Variants in JMJD1C observed in about 807,000 individuals in gnomAD.
The protein encoded by JMJD1C is jumonji domain-containing protein 1C.
Under a neutral mutation model 245.3 loss-of-function variants are expected in JMJD1C, and 31 were observed. The ratio of observed to expected loss-of-function variants is 0.13; its 90% CI spans 0.09 to 0.17. The LOEUF (loss-of-function observed/expected upper bound fraction) is 0.17. Among genes scored for constraint, JMJD1C ranks in the 10% least tolerant of loss-of-function variants. The pLI is 1.00. For synonymous variants in JMJD1C, 1,057 were observed against 1,017.4 expected, an observed-to-expected ratio of 1.04 and a Z score of -0.74; for missense variants, 2,691 against 3,000.2, an observed-to-expected ratio of 0.90 and a Z score of 2.41.
At chr10:63,312,904 A>G (rs1939417954) in intron 2 of JMJD1C, among the ~76,000 whole-genome samples, 1 of 152,206 alleles carries the variant, frequency 6.6e-6, no homozygotes, top group Admixed American at 6.5e-5. Flanking sequence ...TTTAGATGTT[A>G]TTAAACTAGA....
intron 16 of JMJD1C, among the ~76,000 whole-genome samples, chr10:63,192,404 T>TACTAAAAATA (rs1445341998): frequency 6.6e-6 from 1 of 152,042 alleles, no homozygotes; most frequent in Non-Finnish European, 1.5e-5. Context: ...GCCCTGTCTC[T>TACTAAAAATA]ACTAAAAATA....
At chr10:63,283,881 ATT>A (rs1857678320) in intron 2 of JMJD1C, among the ~76,000 whole-genome samples, 1 of 152,164 alleles carries the variant, frequency 6.6e-6, no homozygotes, top group African/African-American at 2.4e-5. Flanking sequence ...GGAAATATGC[ATT>A]TTTCTACTCT....
intron 3 of JMJD1C, among the ~76,000 whole-genome samples, chr10:63,245,304 C>T (rs1017663546): frequency 1.3e-5 from 2 of 151,818 alleles, no homozygotes; most frequent in Non-Finnish European, 2.9e-5. Context: ...TGTTTTCACA[C>T]GGCTGATAAA....
At position 63,168,565 on chromosome 10, in the gene JMJD1C, A is replaced by G; in HGVS notation, c.7403T>C (p.Val2468Ala). Residue 2468 changes from valine (V) to alanine (A), a missense_variant and splice_region_variant, in exon 25 of 26, where the codon GTT becomes GCT. Around this residue, in one of 9 missense-constraint regions of JMJD1C, gnomAD observed 232 missense variants for 416.1 expected, o/e 0.56. Transcript: ENST00000399262. ...IVLPAGALHQ[V>A]QNFHSCIQVT... ...CTGAATACAGCTGTGAAAATTCTGA[A>G]CCTATCCCCAAAAGAAAAACCGTGA... 1 of 1,572,930 alleles carries G rather than the reference A, an allele frequency of 6.4e-7. No individual in the cohort carries two copies. Among genetic ancestry groups the G allele is most frequent in the Non-Finnish European group, 8.6e-7 (1 of 1,165,280 alleles).
chr10:63,286,853 A>T (rs913916405), intron 2 of JMJD1C, among the ~76,000 whole-genome samples: 1 of 152,204 alleles, frequency 6.6e-6, no homozygotes, highest in Non-Finnish European at 1.5e-5. Flanking sequence ...AGTAAACAGA[A>T]TAACCTCAAA....
intron 2 of JMJD1C, among the ~76,000 whole-genome samples, chr10:63,352,463 C>T (rs760331482): frequency 6.6e-6 from 1 of 151,796 alleles, no homozygotes; most frequent in Non-Finnish European, 1.5e-5. Flanking sequence ...AATGGTGAAA[C>T]CCCATCTCTA....
chr10:63,245,119 G>C (rs1210481044), intron 3 of JMJD1C, among the ~76,000 whole-genome samples: 1 of 104,450 alleles, frequency 9.6e-6, no homozygotes, highest in African/African-American at 3.7e-5. Context: ...GGGCAACAGA[G>C]TGAGACTCTG....
chr10:63,487,942 T>C (rs1954050441), intron 1 of JMJD1C, among the ~76,000 whole-genome samples: 1 of 152,190 alleles, frequency 6.6e-6, no homozygotes, highest in Admixed American at 6.5e-5. Context: ...CTAAGAAAGG[T>C]ATATTATTCC....
chr10:63,454,712 T>C (rs1952297393), intron 1 of JMJD1C, among the ~76,000 whole-genome samples: 2 of 152,236 alleles, frequency 1.3e-5, no homozygotes, highest in African/African-American at 2.4e-5. Flanking sequence ...ATTACAGGCA[T>C]GAGCTACTGC....
intron 2 of JMJD1C, among the ~76,000 whole-genome samples, chr10:63,323,369 C>T (rs1032543997): frequency 6.6e-6 from 1 of 152,094 alleles, no homozygotes; most frequent in African/African-American, 2.4e-5. Context: ...ACTAAAAATA[C>T]AAAAACTAGG....
At chr10:63,506,960 T>G (rs1954737631) in intron 1 of JMJD1C, among the ~76,000 whole-genome samples, 1 of 152,222 alleles carries the variant, frequency 6.6e-6, no homozygotes, top group South Asian at 2.1e-4. Flanking sequence ...TAATGGCTAA[T>G]CTTTTTACAG....
chr10:63,463,175 T>C (rs1415669104), intron 1 of JMJD1C, among the ~76,000 whole-genome samples: 1 of 152,194 alleles, frequency 6.6e-6, no homozygotes, highest in Non-Finnish European at 1.5e-5. Flanking sequence ...TATTTATTTA[T>C]TTATTTAGAG....
chr10:63,404,409 A>T (rs1297909907), intron 1 of JMJD1C, among the ~76,000 whole-genome samples: 5 of 151,586 alleles, frequency 3.3e-5, no homozygotes, highest in African/African-American at 1.2e-4. Flanking sequence ...CCACATGCTA[A>T]TTTTTTTTTC....
In JMJD1C at chr10:63,330,646, G is replaced by C. The variant is rs1942043359; in HGVS notation, c.333+49672C>G. On this transcript the variant is annotated intron_variant, in intron 2 of 25. Transcript: ENST00000399262. Reference sequence around the variant, plus strand: ...TTATCATTTTTTCTTTCTCTTCTTAGGATTATTTCTATTGTTTAGCCTACC... The same window carrying C: ...TTATCATTTTTTCTTTCTCTTCTTACGATTATTTCTATTGTTTAGCCTACC... Among the ~76,000 whole-genome samples, 3 of 151,208 alleles carry C rather than the reference G, an allele frequency of 2.0e-5. No homozygotes were observed. In the South Asian group the frequency reaches 6.2e-4, roughly 31 times the overall value.
At chr10:63,232,987 C>T (rs1350190397) in intron 3 of JMJD1C, among the ~76,000 whole-genome samples, 1 of 152,104 alleles carries the variant, frequency 6.6e-6, no homozygotes, top group Non-Finnish European at 1.5e-5. Flanking sequence ...TTACTGCAAA[C>T]TTCATTTAAA....
intron 3 of JMJD1C, among the ~76,000 whole-genome samples, chr10:63,246,557 T>A (rs141789186): frequency 1.3e-5 from 2 of 152,018 alleles, no homozygotes; most frequent in East Asian, 3.9e-4. Context: ...AGAGAATTTA[T>A]CACCACCAGA....
At chr10:63,484,625 T>A (rs1355002103) in intron 1 of JMJD1C, among the ~76,000 whole-genome samples, 2 of 152,010 alleles carry the variant, frequency 1.3e-5, no homozygotes, top group African/African-American at 4.8e-5. Context: ...GTGACAACCC[T>A]ACTTTTACTG....
At chr10:63,210,333 G>A (rs973402192) in intron 8 of JMJD1C, among the ~76,000 whole-genome samples, 2 of 151,538 alleles carry the variant, frequency 1.3e-5, no homozygotes, top group Non-Finnish European at 2.9e-5. Context: ...AATAGTAGGG[G>A]GTAAGATATT....
At chr10:63,474,433 A>T in intron 1 of JMJD1C, among the ~76,000 whole-genome samples, 1 of 152,076 alleles carries the variant, frequency 6.6e-6, no homozygotes, top group East Asian at 1.9e-4. Context: ...TGAAATAGAA[A>T]TAAAAACACC....
Sources: allele counts gnomAD v4.1 joint callset (sites outside exome capture counted in the v4.1 genomes callset), GRCh38; gene constraint gnomAD v4.1.1; regional missense constraint gnomAD v4.1.1; transcripts MANE v1.5; gene names NCBI Gene and HGNC (gene_info 2026-07-23, HGNC 2026-07-21).